Variants in HIVEP1 observed in about 807,000 individuals in gnomAD.
HIVEP1 encodes the protein zinc finger protein 40.
In HIVEP1, 36 loss-of-function variants were observed where a neutral mutation model predicts 180.0. The ratio of observed to expected loss-of-function variants is 0.20; its 90% confidence interval spans 0.15 to 0.26. The LOEUF (loss-of-function observed/expected upper bound fraction) is 0.26, where lower values mean the gene tolerates loss of function less well. HIVEP1 is among the 10% of genes least tolerant of loss of function. HIVEP1 has a pLI of 1.00. For synonymous variants in HIVEP1, 1,239 were observed against 1,239.0 expected, an observed-to-expected ratio of 1.00 and a Z score of 0.00; for missense variants, 3,143 against 3,268.7, an observed-to-expected ratio of 0.96 and a Z score of 0.94.
In HIVEP1 at chr6:12,125,195, A is replaced by T. The variant is rs777096115; in HGVS notation, c.5400A>T (p.Arg1800Ser). The T allele has an allele frequency of 6.8e-6, 11 of 1,614,144 alleles. No individual in the cohort carries two copies. The highest frequency in any genetic ancestry group is 9.3e-6 in the Non-Finnish European group (11 of 1,180,022). The change falls in exon 4 of 9, where the codon AGA becomes AGT. Residue 1800 changes from arginine (R) to serine (S), a missense_variant. Arg to Ser is a moderately radical substitution (Grantham distance 110). Around this residue, in one of 12 missense-constraint regions of HIVEP1, gnomAD observed 1,357 missense variants for 1,260.5 expected, o/e 1.08. Coordinates refer to ENST00000379388, the MANE Select transcript of HIVEP1 (RefSeq NM_002114.4). ...AACAGAAGAAGCCTATTTTAGTGAG[A>T]CAGGTTTGTACTACAGAGCCCCTGG... ...ASKQKKPILV[R>S]QVCTTEPLDG...
the HIVEP1 span, among the ~76,000 whole-genome samples, chr6:12,190,670 C>T: frequency 1.3e-4 from 20 of 152,180 alleles, no homozygotes; most frequent in South Asian, 4.2e-4. Context: ...GCACCTAATT[C>T]CTTCCTTTCA....
At position 12,124,781 on chromosome 6, in the gene HIVEP1, A is replaced by G; in HGVS notation, c.4986A>G (p.Gln1662=). The G allele has an allele frequency of 6.2e-7, 1 of 1,614,224 alleles. No homozygotes were observed. Among genetic ancestry groups the G allele is most frequent in the Non-Finnish European group, 8.5e-7 (1 of 1,180,040 alleles). Residue 1662 remains glutamine (Q), a synonymous_variant, in exon 4 of 9, where the codon CAA becomes CAG. Coordinates refer to ENST00000379388, the MANE Select transcript of HIVEP1 (RefSeq NM_002114.4). The part of the protein sequence containing the change: ...LTSLPQILVT[Q]DLPNQPICQT... ...CCCTGCCACAAATACTAGTGACCCA[A>G]GATCTGCCCAATCAGCCAATTTGCC... is the stretch of plus-strand genomic sequence containing the variant.
intron 2 of HIVEP1, among the ~76,000 whole-genome samples, chr6:12,041,053 C>T (rs1370809433): frequency 1.3e-5 from 2 of 152,162 alleles, no homozygotes; most frequent in African/African-American, 4.8e-5. Context: ...AACTATCAGT[C>T]GGTCTGTTTG....
At chr6:12,187,611 T>A in the HIVEP1 span, among the ~76,000 whole-genome samples, 2 of 107,716 alleles carry the variant, frequency 1.9e-5, no homozygotes, top group African/African-American at 3.6e-5. Flanking sequence ...TTTTTTTTTT[T>A]AAACGGAGTC....
At chr6:12,037,836 G>T (rs1388029236) in intron 2 of HIVEP1, 1 of 415,450 alleles carries the variant, frequency 2.4e-6, no homozygotes, top group East Asian at 3.5e-5. Context: ...TTAGCGTCCC[G>T]AATAGCTTGG....
intron 2 of HIVEP1, among the ~76,000 whole-genome samples, chr6:12,067,748 CTGT>C (rs1771693681): frequency 6.6e-6 from 1 of 151,638 alleles, no homozygotes; most frequent in South Asian, 2.1e-4. Flanking sequence ...TGGTGAGGGG[CTGT>C]TATGATGAAA....
At chr6:12,131,085 T>C in intron 6 of HIVEP1, 143 bp downstream of exon 6, 1 of 470,736 alleles carries the variant, frequency 2.1e-6, no homozygotes, top group Non-Finnish European at 3.7e-6. Flanking sequence ...GTTGTAGTCT[T>C]ATTACTTTAT....
chr6:12,127,324 CT>C, intron 4 of HIVEP1, among the ~76,000 whole-genome samples: 1 of 152,256 alleles, frequency 6.6e-6, no homozygotes, highest in East Asian at 1.9e-4. Flanking sequence ...ACCAATGATA[CT>C]TTCTCAGTGA....
At chr6:12,103,803 T>C (rs1290475582) in intron 3 of HIVEP1, among the ~76,000 whole-genome samples, 4 of 152,116 alleles carry the variant, frequency 2.6e-5, no homozygotes, top group African/African-American at 4.8e-5. Flanking sequence ...GTTATTCAGG[T>C]TGTCTAAGTT....
intron 2 of HIVEP1, among the ~76,000 whole-genome samples, chr6:12,076,925 C>T (rs1290981966): frequency 6.6e-6 from 1 of 152,036 alleles, no homozygotes; most frequent in Non-Finnish European, 1.5e-5. Flanking sequence ...TGAGAGAGGC[C>T]TTTTCAGAGT....
chr6:12,159,544 T>C (rs77132268), intron 7 of HIVEP1, among the ~76,000 whole-genome samples: 3,260 of 152,302 alleles, frequency 0.021, 48 homozygotes, highest in Non-Finnish European at 0.031. Context: ...AGGCTCGTTG[T>C]GGGCAGGGTC....
the HIVEP1 span, among the ~76,000 whole-genome samples, chr6:12,174,324 TA>T: frequency 6.6e-6 from 1 of 152,206 alleles, no homozygotes; most frequent in African/African-American, 2.4e-5. Flanking sequence ...TTCTAAAATT[TA>T]TTTTTTTTAA....
At chr6:12,119,781 T>C in intron 3 of HIVEP1, 109 bp from the exon 4 acceptor site, 1 of 688,342 alleles carries the variant, frequency 1.5e-6, no homozygotes, top group Non-Finnish European at 2.4e-6. Flanking sequence ...TTAAATACTT[T>C]CTTCACTTGT....
At chr6:12,022,353 G>A (rs1026206450) in intron 2 of HIVEP1, among the ~76,000 whole-genome samples, 2 of 151,920 alleles carry the variant, frequency 1.3e-5, no homozygotes, top group Non-Finnish European at 2.9e-5. Context: ...TGTATTTTTA[G>A]TAGAGATGGG....
rs377236839 is a variant in HIVEP1 at position 12,123,718 on chromosome 6, G to C, written c.3923G>C (p.Arg1308Thr). The change falls in exon 4 of 9, where the codon AGG becomes ACG. Residue 1308 changes from arginine to threonine, a missense_variant. By Grantham distance (71) the Arg-to-Thr change is moderately conservative (BLOSUM62 -1). Coordinates refer to ENST00000379388, the MANE Select transcript of HIVEP1 (RefSeq NM_002114.4). ...TCCACTCTCTCCAGGAGTCTAAGTA[G>C]GGAGAGCAGTTTATCTCACACTTCA... ...FDSTLSRSLS[R>T]ESSLSHTSSF... The C allele has an allele frequency of 6.2e-7, 1 of 1,613,866 alleles. No individual in the cohort carries two copies. Among genetic ancestry groups the C allele is most frequent in the African/African-American group, 1.3e-5 (1 of 74,912 alleles).
intron 2 of HIVEP1, among the ~76,000 whole-genome samples, chr6:12,046,845 C>CTGTGTGTGTGTGTGTGTG (rs372934680): frequency 0.12 from 17,091 of 140,688 alleles, 1,264 homozygotes; most frequent in East Asian, 0.36. Context: ...TGCCACTACA[C>CTGTGTGTGTGTGTGTGTG]TGTGTGTGTG....
intron 3 of HIVEP1, among the ~76,000 whole-genome samples, chr6:12,106,492 TTAA>T (rs1774441584): frequency 6.6e-6 from 1 of 152,184 alleles, no homozygotes; most frequent in Non-Finnish European, 1.5e-5. Flanking sequence ...AATATTTTTA[TTAA>T]TATTAGTCGA....
At chr6:12,178,051 C>T in the HIVEP1 span, among the ~76,000 whole-genome samples, 1 of 152,086 alleles carries the variant, frequency 6.6e-6, no homozygotes, top group Non-Finnish European at 1.5e-5. Context: ...ATCTTTATGA[C>T]ATTGAGATAG....
In HIVEP1 at chr6:12,012,358, T is replaced by G. The variant is rs1173381914; in HGVS notation, c.-312T>G. ...TGGCGGCTGCTGGGCGGCGGCAGGG[T>G]GGCGGACGGAGCGGGGGACCGGGGA... On this transcript the variant is annotated 5_prime_UTR_variant, in exon 1 of 9. Transcript: ENST00000379388. 2.7e-5 allele frequency: 4 copies of G among 149,608 alleles called. No individual in the cohort carries two copies. The East Asian group carries it at 7.8e-4, about 29-fold the overall frequency. The allele number at this position is 149,608 out of a possible 1,614,324, so 9.3% of individuals were successfully genotyped here.
Sources: gnomAD v4.1 joint callset for allele counts (sites outside exome capture counted in the v4.1 genomes callset) on GRCh38, gnomAD v4.1.1 for gene constraint, gnomAD v4.1.1 regional missense constraint, MANE v1.5 for transcripts, NCBI Gene and HGNC (gene_info 2026-07-23, HGNC 2026-07-21) for gene names.